Variants in GPR155 observed in about 807,000 individuals in gnomAD.
GPR155 encodes G protein-coupled receptor 155.
In GPR155, 65 loss-of-function variants were observed where a neutral mutation model predicts 93.1. That is an observed-to-expected ratio of 0.70 (90% CI 0.57 to 0.86). The LOEUF (loss-of-function observed/expected upper bound fraction) is 0.86, where lower values mean the gene tolerates loss of function less well. Ranked by LOEUF, GPR155 falls within the 40% of genes least tolerant of loss-of-function variation. GPR155 has a pLI of 0.00. For missense variants in GPR155, 838 were observed against 1,034.8 expected (o/e 0.81, Z 2.61); for synonymous variants, 319 against 360.1 (o/e 0.89, Z 1.29).
rs1686659464 is a variant in GPR155, at chr2:174,432,147, A to G, written c.*3969T>C. On this transcript the variant is annotated 3_prime_UTR_variant, in exon 16 of 16. Coordinates refer to ENST00000392552, the MANE Select transcript of GPR155 (RefSeq NM_152529.7). ...AGTCATGAAGAACAGAACTCAGGAAACCCATTTAAGAAAACATTGAGAATG... is the reference window on the plus strand; with the variant it reads ...AGTCATGAAGAACAGAACTCAGGAAGCCCATTTAAGAAAACATTGAGAATG... 1 of 152,682 alleles carries G rather than the reference A, an allele frequency of 6.5e-6. No individual in the cohort carries two copies. Among genetic ancestry groups the G allele is most frequent in the South Asian group, 2.1e-4 (1 of 4,828 alleles). The allele number at this position is 152,682 out of a possible 1,614,324, so 9.5% of individuals were successfully genotyped here.
Position 174,481,757 on chromosome 2 carries a change from G to C in GPR155, c.200C>G (p.Ser67Ter), listed in dbSNP as rs759745638. Residue 67 changes from serine to a stop codon, truncating the protein, a stop_gained, in exon 2 of 16, where the codon TCA (serine) becomes TGA (stop). Coordinates refer to ENST00000392552, the MANE Select transcript of GPR155 (RefSeq NM_152529.7). LOFTEE classifies it high-confidence loss of function. ...YIAGRANVIT[S>*]TQAKGLGNFV... is the part of the protein sequence containing the mutation. The stretch of plus-strand genomic sequence containing the variant: ...ATTTCCTAGTCCTTTGGCCTGGGTT[G>C]ATGTTATGACATTGGCCCTTCCTGC... 3 of 1,614,154 alleles carry C rather than the reference G, an allele frequency of 1.9e-6. No individual in the cohort carries two copies. The highest frequency in any genetic ancestry group is 2.5e-6 in the Non-Finnish European group (3 of 1,179,974).
intron 3 of GPR155, 82 bp from the exon 4 acceptor site, chr2:174,470,637 A>G (rs56101059): frequency 0.069 from 87,343 of 1,258,414 alleles, 3,680 homozygotes; most frequent in Non-Finnish European, 0.085. Flanking sequence ...TGAATTTGGC[A>G]TCAGGTTCTC....
rs1347799753 is a variant in GPR155, at chr2:174,433,909, T to A, written c.*2207A>T. ...ATTTAGTAATTTTAAAAATTATATA[T>A]TTTTATACATGGACACTTTAAAAAG... On this transcript the variant is annotated 3_prime_UTR_variant, in exon 16 of 16. Coordinates refer to ENST00000392552, the MANE Select transcript of GPR155 (RefSeq NM_152529.7). 1.3e-5 allele frequency: 2 copies of A among 152,136 alleles called. No individual in the cohort carries two copies. Among genetic ancestry groups the A allele is most frequent in the Non-Finnish European group, 2.9e-5 (2 of 68,030 alleles). The allele number at this position is 152,136 out of a possible 1,614,324, so 9.4% of individuals were successfully genotyped here. A position where few individuals can be genotyped will look rare whatever the true frequency, so the allele number is the denominator to read the frequency against.
chr2:174,445,996 T>C (rs1307401546), intron 12 of GPR155, among the ~76,000 whole-genome samples: 3 of 151,950 alleles, frequency 2.0e-5, no homozygotes, highest in African/African-American at 7.2e-5. Flanking sequence ...TAAGTGGCCC[T>C]GTGTACATTA....
chr2:174,449,741 T>G (rs1030549242), intron 11 of GPR155, among the ~76,000 whole-genome samples: 2 of 152,110 alleles, frequency 1.3e-5, no homozygotes. Context: ...TTTGGGAGGC[T>G]GAGGTGGGCA....
rs1334325005 is a variant in GPR155, at chr2:174,433,480, T to C, written c.*2636A>G. 1 of 152,350 alleles carries C rather than the reference T, an allele frequency of 6.6e-6. No individual in the cohort carries two copies. Among genetic ancestry groups the C allele is most frequent in the East Asian group, 1.9e-4 (1 of 5,190 alleles). 9.4% of individuals were successfully genotyped at this position (152,350 alleles called of 1,614,324 possible). A position where few individuals can be genotyped will look rare whatever the true frequency, so the allele number is the denominator to read the frequency against. ...GGAACATGCTAGATGCTCGATAAGTTATTTGTTAAATGAACATTCAAGTAC... is the reference window on the plus strand; with the variant it reads ...GGAACATGCTAGATGCTCGATAAGTCATTTGTTAAATGAACATTCAAGTAC... On this transcript the variant is annotated 3_prime_UTR_variant, in exon 16 of 16. Coordinates refer to ENST00000392552, the MANE Select transcript of GPR155 (RefSeq NM_152529.7).
At chr2:174,484,866 AG>A (rs1688430253) in intron 1 of GPR155, among the ~76,000 whole-genome samples, 1 of 152,130 alleles carries the variant, frequency 6.6e-6, no homozygotes, top group Admixed American at 6.5e-5. Context: ...CTCTGCAGTG[AG>A]CCATGATCAC....
chr2:174,471,561 A>G (rs1688000204), intron 3 of GPR155, among the ~76,000 whole-genome samples: 1 of 151,934 alleles, frequency 6.6e-6, no homozygotes, highest in Non-Finnish European at 1.5e-5. Context: ...AGAGTCAATT[A>G]TTAAACAAAT....
At chr2:174,449,714 G>T (rs1437366341) in intron 11 of GPR155, among the ~76,000 whole-genome samples, 4 of 152,116 alleles carry the variant, frequency 2.6e-5, no homozygotes, top group Non-Finnish European at 5.9e-5. Context: ...GGTGGCTCAC[G>T]CCTGTAATCC....
At chr2:174,447,566 TTAATA>T (rs1687178192) in intron 11 of GPR155, among the ~76,000 whole-genome samples, 2 of 145,686 alleles carry the variant, frequency 1.4e-5, no homozygotes, top group African/African-American at 5.0e-5. Flanking sequence ...AAATTACAAA[TTAATA>T]TATAAGCATA....
chr2:174,473,095 A>G lies in GPR155; in HGVS notation c.730T>C (p.Phe244Leu), dbSNP rs776363909. 4 of 1,601,942 alleles carry G rather than the reference A, an allele frequency of 2.5e-6. No individual in the cohort carries two copies. The highest frequency in any genetic ancestry group is 3.4e-6 in the Non-Finnish European group (4 of 1,177,446). ...AAAGAATTTCCAAGTCCATCAAGAA[A>G]ATTTTCGACATATACAGGTACCTTT... ...DRKVPVYVENFLDGLGNSFSG... is the reference protein window; with the variant it reads ...DRKVPVYVENLLDGLGNSFSG... Residue 244 changes from phenylalanine (F) to leucine (L), a missense_variant, in exon 3 of 16, where the codon TTT becomes CTT. This residue lies in a region of GPR155 where 663 missense variants were observed against 790.1 expected (regional missense o/e 0.84). Transcript: ENST00000392552.
chr2:174,478,407 C>A (rs911319323), intron 2 of GPR155, among the ~76,000 whole-genome samples: 2 of 152,066 alleles, frequency 1.3e-5, no homozygotes, highest in African/African-American at 4.8e-5. Flanking sequence ...GTTGTAGAGA[C>A]AGGGTTTTCA....
Position 174,445,168 on chromosome 2 carries a change from G to A in GPR155, c.2022C>T (p.Ser674=), listed in dbSNP as rs375298027. ...GGTTGAATAGCCACCATAAACAACT[G>A]GAAAGATTCTGTAAAGAAAGGAGAA... ...LLIIGLFANL[S]SCLWWLFNQE... is the part of the protein sequence containing the mutation. Residue 674 remains serine (S), a synonymous_variant, in exon 13 of 16, where the codon TCC becomes TCT. Transcript: ENST00000392552. The A allele has an allele frequency of 1.4e-5, 21 of 1,529,608 alleles. No homozygotes were observed. The African/African-American group carries it at 2.5e-4, about 18-fold the overall frequency. The allele number at this position is 1,529,608 out of a possible 1,614,324, so 94.8% of individuals were successfully genotyped here. A position where few individuals can be genotyped will look rare whatever the true frequency, so the allele number is the denominator to read the frequency against.
At chr2:174,448,692 T>C (rs1035703369) in intron 11 of GPR155, among the ~76,000 whole-genome samples, 8 of 151,204 alleles carry the variant, frequency 5.3e-5, no homozygotes, top group African/African-American at 1.7e-4. Context: ...CACCCGCCAC[T>C]GCGCCCGGCT....
intron 12 of GPR155, among the ~76,000 whole-genome samples, chr2:174,445,792 T>C (rs1687102517): frequency 6.6e-6 from 1 of 152,198 alleles, no homozygotes; most frequent in Non-Finnish European, 1.5e-5. Context: ...TTTTCTCTAT[T>C]TTGTAAGGGT....
At chr2:174,470,884 C>G (rs1455139452) in intron 3 of GPR155, among the ~76,000 whole-genome samples, 2 of 151,998 alleles carry the variant, frequency 1.3e-5, no homozygotes, top group African/African-American at 4.8e-5. Context: ...TTCTTGCTTC[C>G]TCTATCAGTT....
At chr2:174,441,058 T>G (rs1432238832) in intron 14 of GPR155, among the ~76,000 whole-genome samples, 1 of 152,212 alleles carries the variant, frequency 6.6e-6, no homozygotes, top group Non-Finnish European at 1.5e-5. Flanking sequence ...TAGAAATCAA[T>G]GTCCATCAAT....
In GPR155 at chr2:174,434,361, A is replaced by G. The variant is rs184641581; in HGVS notation, c.*1755T>C. 1 of 151,528 alleles carries G rather than the reference A, an allele frequency of 6.6e-6. No individual in the cohort carries two copies. The highest frequency in any genetic ancestry group is 1.5e-5 in the Non-Finnish European group (1 of 67,878). 9.4% of individuals were successfully genotyped at this position (151,528 alleles called of 1,614,324 possible). On this transcript the variant is annotated 3_prime_UTR_variant, in exon 16 of 16. Transcript: ENST00000392552. ...AAAGTAGAAGTTATCCTGCATTACG[A>G]TGCTTTGTTCAAACACAGAAATGAT...
At chr2:174,458,279 C>T (rs1200766508) in intron 10 of GPR155, among the ~76,000 whole-genome samples, 3 of 152,126 alleles carry the variant, frequency 2.0e-5, no homozygotes, top group Non-Finnish European at 4.4e-5. Context: ...TCACTGTGTC[C>T]TAGGACCATG....
Sources: gnomAD v4.1 joint callset for allele counts (sites outside exome capture counted in the v4.1 genomes callset) on GRCh38, gnomAD v4.1.1 for gene constraint, gnomAD v4.1.1 regional missense constraint, MANE v1.5 for transcripts, NCBI Gene and HGNC (gene_info 2026-07-23, HGNC 2026-07-21) for gene names.